The following ATP8B4 variants were observed in gnomAD, a reference collection of about 807,000 sequenced individuals.
The protein encoded by ATP8B4 is ATPase phospholipid transporting 8B4 (putative).
A neutral mutation model predicts 145.6 loss-of-function variants in ATP8B4; 133 were observed. The observed-to-expected ratio is 0.91, with a 90% CI of 0.79 to 1.05. The LOEUF is 1.05. ATP8B4 is among the 50% of genes least tolerant of loss of function. The probability of loss-of-function intolerance (pLI) is 0.00; values close to 1 mark genes in which losing one functional copy is unlikely to be tolerated. For missense variants in ATP8B4, 1,458 were observed against 1,425.2 expected (o/e 1.02, Z -0.37); for synonymous variants, 507 against 492.9 (o/e 1.03, Z -0.38).
intron 13 of ATP8B4, among the ~76,000 whole-genome samples, chr15:49,963,277 C>T (rs1275435040): frequency 2.0e-5 from 3 of 152,138 alleles, no homozygotes. Context: ...ATAACAGGTG[C>T]TGGCAAGGTT....
At chr15:50,065,346 T>C (rs1053299682) in intron 3 of ATP8B4, among the ~76,000 whole-genome samples, 2 of 152,156 alleles carry the variant, frequency 1.3e-5, no homozygotes, top group African/African-American at 4.8e-5. Context: ...AATGATTTGA[T>C]CTTTCAACAA....
chr15:49,881,367 C>T (rs2035388141), intron 23 of ATP8B4, among the ~76,000 whole-genome samples: 1 of 152,128 alleles, frequency 6.6e-6, no homozygotes, highest in Non-Finnish European at 1.5e-5. Context: ...TTTAATATAA[C>T]TTAAATTGTA....
chr15:49,949,784 A>G (rs556986026), intron 14 of ATP8B4, among the ~76,000 whole-genome samples: 1 of 152,154 alleles, frequency 6.6e-6, no homozygotes, highest in East Asian at 1.9e-4. Context: ...ATTCAATATG[A>G]TATTGGTTGT....
intron 1 of ATP8B4, among the ~76,000 whole-genome samples, chr15:50,142,973 G>A (rs921014470): frequency 6.6e-6 from 1 of 152,222 alleles, no homozygotes; most frequent in African/African-American, 2.4e-5. Context: ...ATAGGAAGGA[G>A]TTAAGAATGA....
intron 13 of ATP8B4, among the ~76,000 whole-genome samples, chr15:49,970,282 C>T (rs1258173846): frequency 6.6e-6 from 1 of 152,118 alleles, no homozygotes; most frequent in Non-Finnish European, 1.5e-5. Context: ...GGCAATCAGG[C>T]AAGAGAACGA....
chr15:50,077,061 C>T (rs1374714688), intron 2 of ATP8B4, among the ~76,000 whole-genome samples: 1 of 152,176 alleles, frequency 6.6e-6, no homozygotes, highest in Non-Finnish European at 1.5e-5. Flanking sequence ...ACTTCATAGG[C>T]ATCATGGGAT....
intron 2 of ATP8B4, among the ~76,000 whole-genome samples, chr15:50,083,596 G>A (rs1209179067): frequency 1.3e-5 from 2 of 152,130 alleles, no homozygotes; most frequent in Non-Finnish European, 2.9e-5. Context: ...ATAACTCCAG[G>A]CATAAAAGAA....
At chr15:50,116,611 AAG>A (rs988777867) in intron 1 of ATP8B4, among the ~76,000 whole-genome samples, 3 of 152,188 alleles carry the variant, frequency 2.0e-5, no homozygotes, top group Non-Finnish European at 4.4e-5. Flanking sequence ...GACAAGAACA[AAG>A]AGAGGTGAGG....
rs2053334737 is a variant in ATP8B4, at chr15:50,065,687, C to G, written c.87+8440G>C. ...CCATTACAGCCAAGCTATAACAGAG[C>G]AAAATTCTGCCATCAAAAATTGCTT... is the stretch of plus-strand genomic sequence containing the variant. On this transcript the variant is annotated intron_variant, in intron 3 of 27. Coordinates refer to ENST00000284509, the MANE Select transcript of ATP8B4 (RefSeq NM_024837.4). 4.6e-5 allele frequency among the ~76,000 whole-genome samples: 7 copies of G among 152,052 alleles called. No homozygotes were observed. The South Asian group carries it at 1.5e-3, about 32-fold the overall frequency.
intron 3 of ATP8B4, 32 bp from the exon 4 acceptor site, chr15:50,047,496 G>A (rs550084973): frequency 7.7e-6 from 10 of 1,302,152 alleles, no homozygotes; most frequent in South Asian, 5.9e-5. Context: ...GTTAGTTTGG[G>A]GCAAGGCATT....
At chr15:50,155,713 A>G (rs1019523723) in intron 1 of ATP8B4, among the ~76,000 whole-genome samples, 18 of 152,126 alleles carry the variant, frequency 1.2e-4, no homozygotes, top group African/African-American at 3.9e-4. Flanking sequence ...GCATAAATAT[A>G]CTTAAACATG....
chr15:49,875,803 G>C (rs2034319728), intron 25 of ATP8B4, among the ~76,000 whole-genome samples: 2 of 152,192 alleles, frequency 1.3e-5, no homozygotes, highest in South Asian at 2.1e-4. Context: ...CACCAGAAGA[G>C]CTCCTCTGAG....
intron 20 of ATP8B4, among the ~76,000 whole-genome samples, chr15:49,912,065 C>T (rs1015507871): frequency 6.6e-6 from 1 of 151,818 alleles, no homozygotes; most frequent in South Asian, 2.1e-4. Context: ...GCAATAAATG[C>T]CTACATCAAA....
chr15:50,169,312 G>T (rs2044637782), intron 1 of ATP8B4, among the ~76,000 whole-genome samples: 1 of 152,220 alleles, frequency 6.6e-6, no homozygotes, highest in African/African-American at 2.4e-5. Flanking sequence ...AACAGGTGCT[G>T]GTATTCACGG....
rs570847824 is a variant in ATP8B4, at chr15:50,023,119, G to C, written c.363-12202C>G. On this transcript the variant is annotated intron_variant, in intron 6 of 27. Coordinates refer to ENST00000284509, the MANE Select transcript of ATP8B4 (RefSeq NM_024837.4). Reference sequence around the variant, plus strand: ...TGAAGTTTTTCTGCTTAATAGCAATGACAGGCTGGTCTCATACTCCTCCAA... The same window carrying C: ...TGAAGTTTTTCTGCTTAATAGCAATCACAGGCTGGTCTCATACTCCTCCAA... Among the ~76,000 whole-genome samples the C allele has an allele frequency of 5.9e-5, 9 of 152,266 alleles. No homozygotes were observed. The South Asian group carries it at 1.2e-3, about 21-fold the overall frequency.
intron 2 of ATP8B4, among the ~76,000 whole-genome samples, chr15:50,088,080 T>C (rs973679809): frequency 6.6e-6 from 1 of 152,010 alleles, no homozygotes; most frequent in Non-Finnish European, 1.5e-5. Flanking sequence ...TTATATTAGC[T>C]TAAGACCTCA....
intron 2 of ATP8B4, among the ~76,000 whole-genome samples, chr15:50,093,966 C>T (rs2055785665): frequency 6.6e-6 from 1 of 152,100 alleles, no homozygotes; most frequent in African/African-American, 2.4e-5. Context: ...CATCCAATAA[C>T]GTAGCCTCAA....
chr15:50,036,381 C>G (rs1005703832), intron 6 of ATP8B4, among the ~76,000 whole-genome samples: 1 of 152,132 alleles, frequency 6.6e-6, no homozygotes, highest in Non-Finnish European at 1.5e-5. Context: ...GTCACTGGGT[C>G]CAATATCCCA....
Position 49,896,284 on chromosome 15 carries a change from C to T in ATP8B4, c.2697+1008G>A, listed in dbSNP as rs1026946507. 2.0e-5 allele frequency: 3 copies of T among 152,266 alleles called. No homozygotes were observed. The South Asian group carries it at 6.2e-4, about 32-fold the overall frequency. The allele number at this position is 152,266 out of a possible 1,614,324, so 9.4% of individuals were successfully genotyped here. On this transcript the variant is annotated intron_variant, in intron 23 of 27. Coordinates refer to ENST00000284509, the MANE Select transcript of ATP8B4 (RefSeq NM_024837.4). ...AAAAAGAGAAAATTAGGAATGGGAA[C>T]AGGTATGCCTCACTTTAAGAAATCT...
Sources: allele counts gnomAD v4.1 joint callset (sites outside exome capture counted in the v4.1 genomes callset), GRCh38; gene constraint gnomAD v4.1.1; transcripts MANE v1.5; gene names NCBI Gene and HGNC (gene_info 2026-07-23, HGNC 2026-07-21).